The following TSPAN32 variants were observed in gnomAD, a reference collection of about 807,000 sequenced individuals.
The protein encoded by TSPAN32 is tetraspanin 32.
Under a neutral mutation model 42.7 loss-of-function variants are expected in TSPAN32, and 47 were observed. The ratio of observed to expected loss-of-function variants is 1.10; its 90% CI spans 0.87 to 1.40. TSPAN32 has a LOEUF of 1.40. Among genes scored for constraint, TSPAN32 ranks in the 40% most tolerant of loss-of-function variants. The pLI is 0.00. For missense variants in TSPAN32, 469 were observed against 424.1 expected (o/e 1.11, Z -0.93); for synonymous variants, 175 against 175.9 (o/e 0.99, Z 0.04).
intron 1 of TSPAN32, 36 bp downstream of exon 1, chr11:2,302,251 G>GT: frequency 7.3e-7 from 1 of 1,379,170 alleles, no homozygotes; most frequent in Non-Finnish European, 9.4e-7. Flanking sequence ...GGTGGTGGGT[G>GT]GGGGTGAGCA....
intron 4 of TSPAN32, among the ~76,000 whole-genome samples, chr11:2,311,391 A>G (rs1208861887): frequency 2.0e-5 from 3 of 152,126 alleles, no homozygotes; most frequent in Non-Finnish European, 4.4e-5. Context: ...GTTCTCCTCG[A>G]GGGCTGAGAG....
At chr11:2,307,718 C>T (rs756925) in intron 3 of TSPAN32, among the ~76,000 whole-genome samples, 115,381 of 152,080 alleles carry the variant, frequency 0.76, 45,545 homozygotes, top group Non-Finnish European at 0.89. Context: ...GGGCAAGTGC[C>T]GGGGGCGGGT....
At chr11:2,314,041 C>T (rs1350421275) in intron 5 of TSPAN32, among the ~76,000 whole-genome samples, 2 of 151,550 alleles carry the variant, frequency 1.3e-5, no homozygotes, top group African/African-American at 4.9e-5. Context: ...AATACGGGGC[C>T]GAACATAGTG....
intron 3 of TSPAN32, among the ~76,000 whole-genome samples, chr11:2,307,404 A>G (rs1487448906): frequency 6.6e-6 from 1 of 152,322 alleles, no homozygotes; most frequent in African/African-American, 2.4e-5. Context: ...AGGCGGGCAC[A>G]GTGCTGCCTG....
rs904000462 is a variant in TSPAN32, at chr11:2,318,145, A to G, written c.*221A>G. ...TCACATCAAATTTACCATCTTAACC[A>G]TTGTTAAGTGTATGGTTTGTGGCAT... is the stretch of plus-strand genomic sequence containing the variant. On this transcript the variant is annotated 3_prime_UTR_variant, in exon 10 of 10. Transcript: ENST00000182290. The surrounding 1 kb of genome is among the most constrained non-coding windows in gnomAD (Gnocchi z 4.2). 3 of 540,886 alleles carry G rather than the reference A, an allele frequency of 5.5e-6. No homozygotes were observed. The highest frequency in any genetic ancestry group is 6.5e-6 in the Non-Finnish European group (2 of 309,172). 33.5% of individuals were successfully genotyped at this position (540,886 alleles called of 1,614,324 possible).
rs1201789816 is a variant in TSPAN32 at position 2,304,109 on chromosome 11, T to A, written c.184T>A (p.Phe62Ile). ...NPYQAVHQWA[F>I]SAGLSLVGLL... ...TCCTCCTCTCTCCTCCCAACCAGCC[T>A]TCTCTGCGGGGTTGAGCCTGGTGGG... Residue 62 changes from phenylalanine (F) to isoleucine (I), a missense_variant and splice_region_variant, in exon 3 of 10, where the codon TTC becomes ATC. Physicochemically the swap from Phe to Ile is conservative, Grantham distance 21 (BLOSUM62 0). Transcript: ENST00000182290. The surrounding 1 kb of genome is among the most constrained non-coding windows in gnomAD (Gnocchi z 4.8). 6.3e-6 allele frequency: 10 copies of A among 1,579,412 alleles called. No individual in the cohort carries two copies. The highest frequency in any genetic ancestry group is 8.6e-6 in the Non-Finnish European group (10 of 1,162,610).
In TSPAN32 at chr11:2,313,061, C is replaced by A. The variant is rs546595147; in HGVS notation, c.355-593C>A. On this transcript the variant is annotated intron_variant, in intron 4 of 9. Coordinates refer to ENST00000182290, the MANE Select transcript of TSPAN32 (RefSeq NM_139022.3). The surrounding 1 kb of genome is among the most constrained non-coding windows in gnomAD (Gnocchi z 9.1). The stretch of plus-strand genomic sequence containing the variant: ...AGCGCAGGCAGCACATCCAGCCAGG[C>A]CCCGTCACCTTCCACCTTCTTCACC... Among the ~76,000 whole-genome samples, 1 of 152,182 alleles carries A rather than the reference C, an allele frequency of 6.6e-6. No individual in the cohort carries two copies. Among genetic ancestry groups the A allele is most frequent in the African/African-American group, 2.4e-5 (1 of 41,426 alleles).
chr11:2,316,888 C>T (rs534847638), intron 8 of TSPAN32, among the ~76,000 whole-genome samples: 41 of 152,212 alleles, frequency 2.7e-4, no homozygotes, highest in African/African-American at 9.6e-4. Context: ...ATGGGGACCC[C>T]CCTTTGCTTA....
chr11:2,303,269 C>T (rs1225593247), intron 2 of TSPAN32: 1 of 269,494 alleles, frequency 3.7e-6, no homozygotes. Context: ...AGTCAGGGCT[C>T]AGTCCCAGGC....
At chr11:2,314,951 G>A (rs902804332) in intron 6 of TSPAN32, 2 of 317,594 alleles carry the variant, frequency 6.3e-6, no homozygotes, top group Admixed American at 4.7e-5. Context: ...TGCAGGGCTG[G>A]TGTGGTGGGC....
Position 2,317,223 on chromosome 11 carries a change from C to G in TSPAN32, c.720-121C>G. 1 of 767,128 alleles carries G rather than the reference C, an allele frequency of 1.3e-6. No homozygotes were observed. The highest frequency in any genetic ancestry group is 2.1e-6 in the Non-Finnish European group (1 of 470,678). The allele number at this position is 767,128 out of a possible 1,614,324, so 47.5% of individuals were successfully genotyped here. A position where few individuals can be genotyped will look rare whatever the true frequency, so the allele number is the denominator to read the frequency against. On this transcript the variant is annotated intron_variant, in intron 8 of 9. Transcript: ENST00000182290. This position sits in a 1 kb window ranked among gnomAD's most constrained non-coding sequence, Gnocchi z 6.2. Reference sequence around the variant, plus strand: ...CCCCTAGAACATTCCACAGCAGCTCCATAATCCCCTCCAGAACATTCTGCA... The same window carrying G: ...CCCCTAGAACATTCCACAGCAGCTCGATAATCCCCTCCAGAACATTCTGCA...
Position 2,317,571 on chromosome 11 carries a change from G to C in TSPAN32, c.901+46G>C, listed in dbSNP as rs773529111. On this transcript the variant is annotated intron_variant, in intron 9 of 9. Coordinates refer to ENST00000182290, the MANE Select transcript of TSPAN32 (RefSeq NM_139022.3). This position sits in a 1 kb window ranked among gnomAD's most constrained non-coding sequence, Gnocchi z 6.2. ...AGCCCTCATGGGATCCCTGAGGGGA[G>C]GGTCCGAGCTGTGAGGAGGGAAGGG... 1 of 1,535,322 alleles carries C rather than the reference G, an allele frequency of 6.5e-7. No homozygotes were observed. The highest frequency in any genetic ancestry group is 2.4e-5 in the East Asian group (1 of 41,234).
rs201106606 is a variant in TSPAN32, at chr11:2,302,911, G to A, written c.134G>A (p.Arg45His). The change falls in exon 2 of 10, where the codon CGC (arginine) becomes CAC (histidine). Residue 45 changes from arginine to histidine, a missense_variant. By Grantham distance (29) the Arg-to-His change is conservative (BLOSUM62 0). Transcript: ENST00000182290. ...TTCGGGGCCCACTTTGCTGTCATCC[G>A]CCGAGCGTCCCTGGAGAAGAACCCG... ...TYFGAHFAVIRRASLEKNPYQ... is the reference protein window; with the variant it reads ...TYFGAHFAVIHRASLEKNPYQ... 1.0e-4 allele frequency: 161 copies of A among 1,613,568 alleles called. No individual in the cohort carries two copies. Among genetic ancestry groups the A allele is most frequent in the Admixed American group, 3.5e-4 (21 of 59,994 alleles).
In TSPAN32 at chr11:2,317,895, G is replaced by T; in HGVS notation, c.934G>T (p.Gly312Trp). 7.3e-7 allele frequency: 1 copy of T among 1,373,800 alleles called. No homozygotes were observed. The highest frequency in any genetic ancestry group is 1.0e-6 in the Non-Finnish European group (1 of 960,936). 85.1% of individuals were successfully genotyped at this position (1,373,800 alleles called of 1,614,324 possible). Reference protein sequence around the residue: ...LQGRSRGGLSGCPERGLSD With the variant: ...LQGRSRGGLSWCPERGLSD ...GGGCAGAAGTCGCGGTGGGCTCAGT[G>T]GGTGCCCTGAGCGGGGTCTCTCAGA... is the stretch of plus-strand genomic sequence containing the variant. The change falls in exon 10 of 10, where the codon GGG (glycine) becomes TGG (tryptophan). Residue 312 changes from glycine to tryptophan, a missense_variant. Transcript: ENST00000182290. The surrounding 1 kb of genome is among the most constrained non-coding windows in gnomAD (Gnocchi z 6.2).
intron 3 of TSPAN32, among the ~76,000 whole-genome samples, chr11:2,305,250 A>C (rs539044859): frequency 6.6e-6 from 1 of 152,276 alleles, no homozygotes; most frequent in East Asian, 1.9e-4. Flanking sequence ...CAGCTCCAGC[A>C]CTAGCCAGGA....
At position 2,313,814 on chromosome 11, in the gene TSPAN32, G is replaced by C. The variant is rs1848621711; in HGVS notation, c.456+59G>C. 2 of 1,365,018 alleles carry C rather than the reference G, an allele frequency of 1.5e-6. No individual in the cohort carries two copies. Among genetic ancestry groups the C allele is most frequent in the Admixed American group, 2.0e-5 (1 of 50,692 alleles). 84.6% of individuals were successfully genotyped at this position (1,365,018 alleles called of 1,614,324 possible). On this transcript the variant is annotated intron_variant, in intron 5 of 9. Coordinates refer to ENST00000182290, the MANE Select transcript of TSPAN32 (RefSeq NM_139022.3). This position sits in a 1 kb window ranked among gnomAD's most constrained non-coding sequence, Gnocchi z 9.1. ...CAGCTTCTGCTTGGACTGCAGTTCA[G>C]AGAACAGGCGCAGGGTGGCCAGTGA...
chr11:2,307,528 C>T (rs1022984502), intron 3 of TSPAN32, among the ~76,000 whole-genome samples: 4 of 151,878 alleles, frequency 2.6e-5, no homozygotes, highest in Non-Finnish European at 4.4e-5. Context: ...AAGGCAAAGG[C>T]GGCTGCCCAG....
At position 2,304,324 on chromosome 11, in the gene TSPAN32, A is replaced by AG; in HGVS notation, c.279+123dup. The AG allele has an allele frequency of 1.4e-6, 1 of 723,596 alleles. No homozygotes were observed. The highest frequency in any genetic ancestry group is 2.2e-6 in the Non-Finnish European group (1 of 455,390). The allele number at this position is 723,596 out of a possible 1,614,324, so 44.8% of individuals were successfully genotyped here. ...GTGACCAGGCAGAACCAGAGGCCCC[A>AG]GGGATGCTGGCCAGCCGAGACCCCC... On this transcript the variant is annotated intron_variant, in intron 3 of 9. Coordinates refer to ENST00000182290, the MANE Select transcript of TSPAN32 (RefSeq NM_139022.3). This position sits in a 1 kb window ranked among gnomAD's most constrained non-coding sequence, Gnocchi z 4.8.
At chr11:2,302,655 G>A in intron 1 of TSPAN32, 189 bp from the exon 2 acceptor site, 1 of 597,898 alleles carries the variant, frequency 1.7e-6, no homozygotes, top group Non-Finnish European at 3.0e-6. Flanking sequence ...GTGCCTGTGA[G>A]TGTGCTGGGG....
Sources: allele counts gnomAD v4.1 joint callset (sites outside exome capture counted in the v4.1 genomes callset), GRCh38; gene constraint gnomAD v4.1.1; non-coding constraint Gnocchi (gnomAD v3.1); transcripts MANE v1.5; gene names NCBI Gene and HGNC (gene_info 2026-07-23, HGNC 2026-07-21).